The following DLGAP2 variants were observed in gnomAD, a reference collection of about 807,000 sequenced individuals.
The protein encoded by DLGAP2 is DLG associated protein 2.
A neutral mutation model predicts 100.3 loss-of-function variants in DLGAP2; 26 were observed. The observed-to-expected ratio is 0.26, with a 90% CI of 0.19 to 0.36. The LOEUF is 0.36. Among genes scored for constraint, DLGAP2 ranks in the 10% least tolerant of loss-of-function variants. DLGAP2 has a pLI of 1.00. For synonymous variants in DLGAP2, 886 were observed against 630.1 expected, an observed-to-expected ratio of 1.41 and a Z score of -6.08; for missense variants, 1,858 against 1,453.2, an observed-to-expected ratio of 1.28 and a Z score of -4.53.
intron 2 of DLGAP2, among the ~76,000 whole-genome samples, chr8:1,244,295 C>A (rs567155528): frequency 1.3e-5 from 2 of 152,354 alleles, no homozygotes; most frequent in East Asian, 3.9e-4. Context: ...TAATAAATAA[C>A]TGTGGAATGA....
intron 1 of DLGAP2, among the ~76,000 whole-genome samples, chr8:777,553 C>A (rs1370394576): frequency 6.6e-6 from 1 of 151,980 alleles, no homozygotes; most frequent in African/African-American, 2.4e-5. Flanking sequence ...CTGGTGGTGA[C>A]AAAATCTCTC....
intron 2 of DLGAP2, among the ~76,000 whole-genome samples, chr8:976,382 C>G (rs111990598): frequency 1.3e-5 from 2 of 152,128 alleles, no homozygotes; most frequent in Non-Finnish European, 2.9e-5. Flanking sequence ...GAGATCGAGG[C>G]GGGCGGATCA....
intron 2 of DLGAP2, among the ~76,000 whole-genome samples, chr8:1,112,584 T>A (rs557135870): frequency 6.6e-6 from 1 of 152,308 alleles, no homozygotes; most frequent in African/African-American, 2.4e-5. Context: ...TCTTGTAAAT[T>A]TGTTTAAGTT....
chr8:1,268,285 C>G (rs1011916375), intron 3 of DLGAP2, among the ~76,000 whole-genome samples: 1 of 152,110 alleles, frequency 6.6e-6, no homozygotes, highest in African/African-American at 2.4e-5. Flanking sequence ...GGAGAAAATA[C>G]TCCCTATTTT....
In DLGAP2 at chr8:1,680,419, C is replaced by T. The variant is rs373910109; in HGVS notation, c.2704+1790C>T. ...CTCGGCAGTCTGAGAAAATCAATGG[C>T]GTGCTGATTTTTTATTGTTAAAACT... On this transcript the variant is annotated intron_variant, in intron 12 of 14. Coordinates refer to ENST00000637795, the MANE Select transcript of DLGAP2 (RefSeq NM_001346810.2). 13 of 152,348 alleles carry T rather than the reference C, an allele frequency of 8.5e-5. No individual in the cohort carries two copies. In the East Asian group the frequency reaches 1.5e-3, roughly 18 times the overall value. 9.4% of individuals were successfully genotyped at this position (152,348 alleles called of 1,614,324 possible).
intron 1 of DLGAP2, among the ~76,000 whole-genome samples, chr8:779,729 C>A (rs1235402991): frequency 6.6e-6 from 1 of 152,144 alleles, no homozygotes; most frequent in South Asian, 2.1e-4. Flanking sequence ...TGCCTTCTCT[C>A]AAGCAGACAC....
intron 2 of DLGAP2, among the ~76,000 whole-genome samples, chr8:1,080,340 G>T (rs983672761): frequency 6.6e-6 from 1 of 152,222 alleles, no homozygotes; most frequent in Non-Finnish European, 1.5e-5. Context: ...CAAGTGCCTT[G>T]TTAATGCTCC....
intron 6 of DLGAP2, among the ~76,000 whole-genome samples, chr8:1,616,351 A>G (rs956758542): frequency 6.6e-6 from 1 of 152,182 alleles, no homozygotes; most frequent in African/African-American, 2.4e-5. Flanking sequence ...AAATGGCCAA[A>G]TATTTTACAA....
chr8:1,614,827 C>G (rs916002520), intron 6 of DLGAP2, among the ~76,000 whole-genome samples: 1 of 142,382 alleles, frequency 7.0e-6, no homozygotes, highest in African/African-American at 3.1e-5. Flanking sequence ...GGAGCCCACA[C>G]ACACATGCAT....
At chr8:1,681,476 A>T (rs554769222) in intron 12 of DLGAP2, among the ~76,000 whole-genome samples, 169 of 151,962 alleles carry the variant, frequency 1.1e-3, no homozygotes, top group Non-Finnish European at 1.8e-3. Context: ...CTACCAAAAA[A>T]AATAATAATA....
intron 2 of DLGAP2, among the ~76,000 whole-genome samples, chr8:1,156,326 C>G (rs1228383986): frequency 6.6e-6 from 1 of 152,186 alleles, no homozygotes; most frequent in East Asian, 1.9e-4. Context: ...AGGATGGGAG[C>G]TGCAGAAGCC....
intron 2 of DLGAP2, among the ~76,000 whole-genome samples, chr8:1,152,839 C>T (rs779764132): frequency 7.9e-5 from 12 of 152,244 alleles, no homozygotes; most frequent in Admixed American, 1.3e-4. Context: ...AAAATGCTGC[C>T]GTGTTCTTCC....
intron 2 of DLGAP2, among the ~76,000 whole-genome samples, chr8:926,855 C>T (rs1388314422): frequency 6.6e-6 from 1 of 152,240 alleles, no homozygotes; most frequent in Non-Finnish European, 1.5e-5. Flanking sequence ...GTGTAATAAT[C>T]CTGGTGGGGC....
At chr8:1,135,026 C>T (rs751224790) in intron 2 of DLGAP2, among the ~76,000 whole-genome samples, 9 of 152,108 alleles carry the variant, frequency 5.9e-5, no homozygotes, top group African/African-American at 1.2e-4. Context: ...AAAGAGACTC[C>T]GATAAGATGA....
At chr8:1,481,578 A>C (rs894876912) in intron 3 of DLGAP2, among the ~76,000 whole-genome samples, 12 of 136,976 alleles carry the variant, frequency 8.8e-5, no homozygotes. Flanking sequence ...TCCCAGGTTG[A>C]AGTGATTCTA....
chr8:903,800 C>T (rs1044982148), intron 1 of DLGAP2, among the ~76,000 whole-genome samples: 25 of 152,226 alleles, frequency 1.6e-4, no homozygotes, highest in African/African-American at 6.0e-4. Context: ...TTGGGGGAAA[C>T]CAAGTCGGCA....
At chr8:1,622,995 C>T (rs1455300391) in intron 6 of DLGAP2, among the ~76,000 whole-genome samples, 1 of 152,124 alleles carries the variant, frequency 6.6e-6, no homozygotes, top group African/African-American at 2.4e-5. Flanking sequence ...AGTCCTAGTT[C>T]TTGAGTTTTG....
At chr8:1,511,199 G>GT (rs1800148958) in intron 4 of DLGAP2, among the ~76,000 whole-genome samples, 1 of 151,556 alleles carries the variant, frequency 6.6e-6, no homozygotes, top group South Asian at 2.1e-4. Context: ...TTCCATGGAC[G>GT]TAAGTGCTGT....
intron 8 of DLGAP2, among the ~76,000 whole-genome samples, chr8:1,646,424 C>G (rs1377077039): frequency 2.0e-5 from 3 of 152,106 alleles, no homozygotes; most frequent in Non-Finnish European, 4.4e-5. Flanking sequence ...TATATGTGTT[C>G]ATCTATATCT....
Sources: allele counts gnomAD v4.1 joint callset (sites outside exome capture counted in the v4.1 genomes callset), GRCh38; gene constraint gnomAD v4.1.1; transcripts MANE v1.5; gene names NCBI Gene and HGNC (gene_info 2026-07-23, HGNC 2026-07-21).